HIBCH: variants seen among roughly 807,000 people sequenced by gnomAD.
HIBCH encodes 3-hydroxyisobutyryl-CoA hydrolase, also known as 3-hydroxyisobutyryl-CoA hydrolase, mitochondrial.
HIBCH carries 50 observed loss-of-function variants against 58.2 expected under a neutral mutation model. The ratio of observed to expected loss-of-function variants is 0.86; its 90% CI spans 0.68 to 1.09. The LOEUF (loss-of-function observed/expected upper bound fraction) is 1.09, where lower values mean the gene tolerates loss of function less well. Among genes scored for constraint, HIBCH ranks in the 50% least tolerant of loss-of-function variants. The pLI, the probability that HIBCH is intolerant of heterozygous loss-of-function variation, is 0.00. For missense variants in HIBCH, 450 were observed against 449.7 expected, an observed-to-expected ratio of 1.00 and a Z score of -0.01; for synonymous variants, 151 against 146.9, an observed-to-expected ratio of 1.03 and a Z score of -0.20.
At chr2:190,268,350 C>T (rs1368992202) in intron 6 of HIBCH, among the ~76,000 whole-genome samples, 1 of 152,182 alleles carries the variant, frequency 6.6e-6, no homozygotes, top group East Asian at 1.9e-4. Context: ...CAATCATCTT[C>T]ACATAGTAAT....
At chr2:190,295,856 G>A (rs1688090761) in intron 3 of HIBCH, among the ~76,000 whole-genome samples, 2 of 152,108 alleles carry the variant, frequency 1.3e-5, no homozygotes, top group African/African-American at 4.8e-5. Context: ...GGTAGCCAGG[G>A]GAAAACTAGT....
At chr2:190,198,911 C>T (rs1267843301) in intron 1 of HIBCH, among the ~76,000 whole-genome samples, 1 of 152,172 alleles carries the variant, frequency 6.6e-6, no homozygotes, top group Non-Finnish European at 1.5e-5. Context: ...ATTGACCAAA[C>T]ATCAAACAAG....
At chr2:190,222,282 T>G (rs1685743620) in intron 11 of HIBCH, among the ~76,000 whole-genome samples, 1 of 152,166 alleles carries the variant, frequency 6.6e-6, no homozygotes, top group African/African-American at 2.4e-5. Context: ...CTGTCCCTGC[T>G]GGCACAGAAA....
At chr2:190,284,257 T>C (rs967848509) in intron 6 of HIBCH, among the ~76,000 whole-genome samples, 4 of 152,236 alleles carry the variant, frequency 2.6e-5, no homozygotes, top group Non-Finnish European at 5.9e-5. Context: ...TAAATATTCT[T>C]GGTTGTTACA....
In HIBCH at chr2:190,254,574, GATA is replaced by G. The variant is rs1161732118; in HGVS notation, c.518-2270_518-2268del. ...TCTGCCACCTAAACAGAACCACATA[GATA>G]ATAAGTATCTCACATTTAACATGGC... On this transcript the variant is annotated intron_variant, in intron 7 of 13. Coordinates refer to ENST00000359678, the MANE Select transcript of HIBCH (RefSeq NM_014362.4). The surrounding 1 kb of genome is among the most constrained non-coding windows in gnomAD (Gnocchi z 5.0). Among the ~76,000 whole-genome samples the G allele has an allele frequency of 1.3e-5, 2 of 152,098 alleles. No homozygotes were observed. Among genetic ancestry groups the G allele is most frequent in the Non-Finnish European group, 2.9e-5 (2 of 68,028 alleles).
exon 2 of HIBCH, chr2:190,189,860 G>T (rs929129741): frequency 2.0e-5 from 3 of 152,206 alleles, no homozygotes; most frequent in Admixed American, 6.5e-5. Flanking sequence ...GTAGGCTTTT[G>T]CTCTTCGGTA....
At chr2:190,239,042 T>C (rs1225953166) in intron 11 of HIBCH, among the ~76,000 whole-genome samples, 3 of 152,234 alleles carry the variant, frequency 2.0e-5, no homozygotes, top group Non-Finnish European at 2.9e-5. Context: ...TCTTTGCCCA[T>C]GACTATGTCC....
At chr2:190,318,818 AAAAC>A (rs1407435725) in intron 1 of HIBCH, among the ~76,000 whole-genome samples, 4 of 152,254 alleles carry the variant, frequency 2.6e-5, no homozygotes, top group African/African-American at 9.6e-5. Context: ...AGGTATTAAA[AAAAC>A]AAACAGAAAA....
chr2:190,265,094 G>A (rs1420190443), intron 6 of HIBCH, among the ~76,000 whole-genome samples: 3 of 130,270 alleles, frequency 2.3e-5, no homozygotes, highest in African/African-American at 9.2e-5. Context: ...CTGCACTCCA[G>A]CCTGGAGGAC....
chr2:190,228,806 C>A (rs747567584), intron 11 of HIBCH, among the ~76,000 whole-genome samples: 1 of 152,072 alleles, frequency 6.6e-6, no homozygotes, highest in Non-Finnish European at 1.5e-5. Context: ...TTCTTTTCTC[C>A]TTTATCAAAC....
intron 2 of HIBCH, among the ~76,000 whole-genome samples, chr2:190,301,321 A>G (rs1429429660): frequency 6.6e-6 from 1 of 152,218 alleles, no homozygotes; most frequent in African/African-American, 2.4e-5. Flanking sequence ...AAGGAAATAG[A>G]GGCCTACTAA....
At chr2:190,244,040 A>C (rs1006859055) in intron 11 of HIBCH, among the ~76,000 whole-genome samples, 3 of 152,224 alleles carry the variant, frequency 2.0e-5, no homozygotes, top group Non-Finnish European at 4.4e-5. Flanking sequence ...TAAGACTATC[A>C]AAATTTTTTC....
intron 1 of HIBCH, 152 bp downstream of exon 1, chr2:190,319,564 G>A: frequency 2.9e-6 from 2 of 695,996 alleles, no homozygotes; most frequent in East Asian, 2.7e-5. Flanking sequence ...ACGGGGGCTG[G>A]GGCTTGGGGA....
At position 190,208,924 on chromosome 2, in the gene HIBCH, A is replaced by G; in HGVS notation, c.1012-11T>C. 1.2e-6 allele frequency: 2 copies of G among 1,612,706 alleles called. No individual in the cohort carries two copies. Among genetic ancestry groups the G allele is most frequent in the East Asian group, 2.2e-5 (1 of 44,844 alleles). ...AAAGTCATGACCTCTCTGAAAGAAA[A>G]TTGAGATTAAATGGGGATAATTTCT... On this transcript the variant is annotated splice_polypyrimidine_tract_variant and intron_variant, in intron 12 of 13. Transcript: ENST00000359678.
rs1686607411 is a variant in HIBCH, at chr2:190,246,300, A to C, written c.751-88T>G. The stretch of plus-strand genomic sequence containing the variant: ...TATTTAATGATACACTTTGTGAAAG[A>C]TTGTCACTTGTCACTTTCAGTCAAA... On this transcript the variant is annotated intron_variant, in intron 9 of 13. Transcript: ENST00000359678. The C allele has an allele frequency of 5.2e-6, 4 of 764,390 alleles. No individual in the cohort carries two copies. The Admixed American group carries it at 6.7e-5, about 13-fold the overall frequency. The allele number at this position is 764,390 out of a possible 1,614,324, so 47.4% of individuals were successfully genotyped here. A position where few individuals can be genotyped will look rare whatever the true frequency, so the allele number is the denominator to read the frequency against.
rs1384565475 is a variant in HIBCH, at chr2:190,236,807, C to A, written c.891+8080G>T. On this transcript the variant is annotated intron_variant, in intron 11 of 13. Transcript: ENST00000359678. This position sits in a 1 kb window ranked among gnomAD's most constrained non-coding sequence, Gnocchi z 4.1. ...TTTATATAAAATGAAAAGATACTAT[C>A]TAAAGATACAAGTACTACTATTTTA... Among the ~76,000 whole-genome samples, 1 of 152,132 alleles carries A rather than the reference C, an allele frequency of 6.6e-6. No homozygotes were observed. Among genetic ancestry groups the A allele is most frequent in the Non-Finnish European group, 1.5e-5 (1 of 68,016 alleles).
intron 4 of HIBCH, among the ~76,000 whole-genome samples, chr2:190,293,555 T>C (rs1326958216): frequency 6.6e-6 from 1 of 152,178 alleles, no homozygotes; most frequent in Non-Finnish European, 1.5e-5. Flanking sequence ...GTTTAAGTAA[T>C]CAAAGTTTTC....
rs551396332 is a variant in HIBCH, at chr2:190,315,138, G to A, written c.36-4342C>T. Among the ~76,000 whole-genome samples the A allele has an allele frequency of 1.3e-5, 2 of 151,862 alleles. No homozygotes were observed. The highest frequency in any genetic ancestry group is 2.9e-5 in the Non-Finnish European group (2 of 67,968). ...AATTTTTTGTATTTTTAGTAGAAAC[G>A]GGGTTTCACCATGTTAGCCAGCATG... On this transcript the variant is annotated intron_variant, in intron 1 of 13. Transcript: ENST00000359678. The surrounding 1 kb of genome is among the most constrained non-coding windows in gnomAD (Gnocchi z 5.4).
chr2:190,303,933 A>C (rs973692101), intron 2 of HIBCH, among the ~76,000 whole-genome samples: 1 of 152,178 alleles, frequency 6.6e-6, no homozygotes, highest in African/African-American at 2.4e-5. Context: ...TCTTGCCAAA[A>C]ACCTTAACTC....
Sources: allele counts gnomAD v4.1 joint callset (sites outside exome capture counted in the v4.1 genomes callset), GRCh38; gene constraint gnomAD v4.1.1; non-coding constraint Gnocchi (gnomAD v3.1); transcripts MANE v1.5; gene names NCBI Gene and HGNC (gene_info 2026-07-23, HGNC 2026-07-21).